The following GLCE variants were observed in gnomAD, a reference collection of about 807,000 sequenced individuals.
The protein encoded by GLCE is glucuronic acid epimerase, also known as D-glucuronyl C5-epimerase.
In GLCE, 19 loss-of-function variants were observed where a neutral mutation model predicts 47.9. The ratio of observed to expected loss-of-function variants is 0.40; its 90% CI spans 0.28 to 0.58. The LOEUF (loss-of-function observed/expected upper bound fraction) is 0.58. Among genes scored for constraint, GLCE ranks in the 20% least tolerant of loss-of-function variants. The pLI is 0.48. For missense variants in GLCE, 556 were observed against 743.3 expected (o/e 0.75, Z 2.93); for synonymous variants, 245 against 263.4 (o/e 0.93, Z 0.68).
Position 69,228,116 on chromosome 15 carries a change from T to C in GLCE, c.-14+17710T>C, listed in dbSNP as rs75232401. Among the ~76,000 whole-genome samples the C allele has an allele frequency of 6.4e-3, 968 of 152,366 alleles. 10 individuals carry two copies. Among genetic ancestry groups the C allele is most frequent in the African/African-American group, 0.022 (924 of 41,594 alleles). The stretch of plus-strand genomic sequence containing the variant: ...ATGTTCTTTCTCTACTGAAGTATTA[T>C]GCTTTTCCTTCCCATAATCTGTCTG... On this transcript the variant is annotated intron_variant, in intron 2 of 4. Coordinates refer to ENST00000261858, the MANE Select transcript of GLCE (RefSeq NM_015554.3).
At chr15:69,215,630 C>T (rs2052296952) in intron 2 of GLCE, among the ~76,000 whole-genome samples, 1 of 151,646 alleles carries the variant, frequency 6.6e-6, no homozygotes, top group Admixed American at 6.6e-5. Flanking sequence ...GGATTATGGG[C>T]CTTATCTTAA....
At position 69,271,863 on chromosome 15, in the gene GLCE, C is replaced by G. The variant is rs746464822; in HGVS notation, c.*2619C>G. ...CACAAGCACAACTCTCCAGACGTGG[C>G]TCCTTCTCCTTTCTCAGTGCAGACT... On this transcript the variant is annotated 3_prime_UTR_variant, in exon 5 of 5. Transcript: ENST00000261858. The G allele has an allele frequency of 2.6e-5, 4 of 152,652 alleles. No homozygotes were observed. Among genetic ancestry groups the G allele is most frequent in the Admixed American group, 2.0e-4 (3 of 15,284 alleles). The allele number at this position is 152,652 out of a possible 1,614,324, so 9.5% of individuals were successfully genotyped here. A position where few individuals can be genotyped will look rare whatever the true frequency, so the allele number is the denominator to read the frequency against.
chr15:69,197,257 T>C, intron 1 of GLCE: 1 of 379,314 alleles, frequency 2.6e-6, no homozygotes. Context: ...GCCAACTGAC[T>C]ACCACTTCTT....
chr15:69,201,801 G>A (rs1227552036), intron 1 of GLCE, among the ~76,000 whole-genome samples: 4 of 151,696 alleles, frequency 2.6e-5, no homozygotes, highest in Non-Finnish European at 5.9e-5. Context: ...TACCCACTGA[G>A]GAATTTTTAA....
chr15:69,250,881 A>G (rs1433645144), intron 2 of GLCE, among the ~76,000 whole-genome samples: 1 of 152,052 alleles, frequency 6.6e-6, no homozygotes, highest in Non-Finnish European at 1.5e-5. Flanking sequence ...TTTACTTAAA[A>G]TAAGATAATA....
intron 2 of GLCE, among the ~76,000 whole-genome samples, chr15:69,215,227 C>G (rs537566536): frequency 6.6e-6 from 1 of 152,214 alleles, no homozygotes; most frequent in South Asian, 2.1e-4. Context: ...TTGTAGTCAG[C>G]CTCTCTTCCA....
At chr15:69,164,216 C>T (rs900352433) in intron 1 of GLCE, among the ~76,000 whole-genome samples, 6 of 152,006 alleles carry the variant, frequency 3.9e-5, no homozygotes, top group African/African-American at 1.2e-4. Flanking sequence ...ACGAACCATA[C>T]AAATAATTTT....
intron 1 of GLCE, among the ~76,000 whole-genome samples, chr15:69,169,728 C>CT (rs1477564168): frequency 6.6e-6 from 1 of 152,056 alleles, no homozygotes; most frequent in African/African-American, 2.4e-5. Flanking sequence ...TGAACTCATC[C>CT]TTTTTTATTG....
At chr15:69,187,367 A>G (rs1468732690) in intron 1 of GLCE, among the ~76,000 whole-genome samples, 2 of 152,202 alleles carry the variant, frequency 1.3e-5, no homozygotes, top group Non-Finnish European at 1.5e-5. Context: ...TGACTGTGTT[A>G]CTATGTACAA....
intron 2 of GLCE, among the ~76,000 whole-genome samples, chr15:69,231,587 C>A (rs1231271165): frequency 2.0e-5 from 3 of 151,600 alleles, no homozygotes; most frequent in Non-Finnish European, 2.9e-5. Context: ...CTTGTCCAGT[C>A]ATTCTTAAAA....
rs201978364 is a variant in GLCE at position 69,269,007 on chromosome 15, G to A, written c.1617G>A (p.Glu539=). 3.1e-6 allele frequency: 5 copies of A among 1,614,172 alleles called. No homozygotes were observed. The highest frequency in any genetic ancestry group is 1.3e-5 in the African/African-American group (1 of 75,038). ...GAAAAGAAGCAAGGTCCTTGTATGA[G>A]CGTGGCATGGAATCTCTTAAAGCCA... ...KLGKEARSLY[E]RGMESLKAML... The change falls in exon 5 of 5, where the codon GAG becomes GAA. Residue 539 remains glutamate, a synonymous_variant. Transcript: ENST00000261858.
chr15:69,216,337 C>G (rs913589382), intron 2 of GLCE, among the ~76,000 whole-genome samples: 2 of 152,044 alleles, frequency 1.3e-5, no homozygotes, highest in Admixed American at 6.5e-5. Flanking sequence ...GGATATCTGT[C>G]AATATGGACA....
Position 69,269,334 on chromosome 15 carries a change from T to A in GLCE, c.*90T>A, listed in dbSNP as rs2053132982. ...AGAGCATAGGCACATTTTAAAAGGT[T>A]ATGTACTAGGTTTTTGTGGATTCTA... On this transcript the variant is annotated 3_prime_UTR_variant, in exon 5 of 5. Coordinates refer to ENST00000261858, the MANE Select transcript of GLCE (RefSeq NM_015554.3). The A allele has an allele frequency of 9.8e-7, 1 of 1,018,194 alleles. No individual in the cohort carries two copies. 63.1% of individuals were successfully genotyped at this position (1,018,194 alleles called of 1,614,324 possible).
chr15:69,190,647 G>A (rs2051898989), intron 1 of GLCE, among the ~76,000 whole-genome samples: 1 of 151,982 alleles, frequency 6.6e-6, no homozygotes, highest in Non-Finnish European at 1.5e-5. Flanking sequence ...TAACCTTTAT[G>A]TGTTTTTATA....
At chr15:69,188,791 C>A (rs955733364) in intron 1 of GLCE, among the ~76,000 whole-genome samples, 1 of 152,122 alleles carries the variant, frequency 6.6e-6, no homozygotes, top group African/African-American at 2.4e-5. Flanking sequence ...TCTCCACCCC[C>A]CTCCTCCATT....
intron 4 of GLCE, among the ~76,000 whole-genome samples, 159 bp downstream of exon 4, chr15:69,261,488 A>G (rs1200598010): frequency 6.6e-6 from 1 of 152,208 alleles, no homozygotes. Flanking sequence ...AATCTCTAAA[A>G]AAGATACAGC....
chr15:69,236,673 C>T (rs1403413036), intron 2 of GLCE, among the ~76,000 whole-genome samples: 2 of 152,124 alleles, frequency 1.3e-5, no homozygotes, highest in African/African-American at 2.4e-5. Context: ...AGTATATACA[C>T]GTATCTCATT....
In GLCE at chr15:69,261,177, T is replaced by C; in HGVS notation, c.677T>C (p.Leu226Pro). The C allele has an allele frequency of 6.2e-7, 1 of 1,614,044 alleles. No homozygotes were observed. The highest frequency in any genetic ancestry group is 1.3e-5 in the African/African-American group (1 of 75,040). ...QYGLSHYSKN[L>P]TEKPPHIEVY... The stretch of plus-strand genomic sequence containing the variant: ...GGATTAAGTCATTACAGCAAGAATC[T>C]AACTGAGAAACCTCCTCACATAGAG... Residue 226 changes from leucine (L) to proline (P), a missense_variant, in exon 4 of 5, where the codon CTA (leucine) becomes CCA (proline). Leu to Pro is a moderately conservative substitution (Grantham distance 98, BLOSUM62 -3). Coordinates refer to ENST00000261858, the MANE Select transcript of GLCE (RefSeq NM_015554.3).
intron 1 of GLCE, among the ~76,000 whole-genome samples, chr15:69,199,056 G>A (rs1328201798): frequency 6.6e-6 from 1 of 152,154 alleles, no homozygotes; most frequent in Non-Finnish European, 1.5e-5. Flanking sequence ...AACTGGTAGT[G>A]TACATTTGTA....
Sources: allele counts gnomAD v4.1 joint callset (sites outside exome capture counted in the v4.1 genomes callset), GRCh38; gene constraint gnomAD v4.1.1; transcripts MANE v1.5; gene names NCBI Gene and HGNC (gene_info 2026-07-23, HGNC 2026-07-21).